Variants in MYO7A observed in about 807,000 individuals in gnomAD.
MYO7A encodes myosin VIIA, also known as unconventional myosin-VIIa.
A neutral mutation model predicts 263.8 loss-of-function variants in MYO7A; 210 were observed. The observed-to-expected ratio is 0.80, with a 90% CI of 0.71 to 0.89. The LOEUF (loss-of-function observed/expected upper bound fraction) is 0.89. Among genes scored for constraint, MYO7A ranks in the 40% least tolerant of loss-of-function variants. MYO7A has a pLI of 0.00. For synonymous variants in MYO7A, 1,239 were observed against 1,197.3 expected, an observed-to-expected ratio of 1.03 and a Z score of -0.72; for missense variants, 2,820 against 2,968.3, an observed-to-expected ratio of 0.95 and a Z score of 1.16.
In MYO7A at chr11:77,177,593, C is replaced by G; in HGVS notation, c.2232C>G (p.Ile744Met). 5.0e-6 allele frequency: 8 copies of G among 1,612,284 alleles called. No homozygotes were observed. Among genetic ancestry groups the G allele is most frequent in the Non-Finnish European group, 6.8e-6 (8 of 1,179,420 alleles). ...MLLEVERDKA[I>M]TDRVILLQKV... ...TGGAAGTGGAGCGGGACAAAGCCAT[C>G]ACCGACAGAGTCATCCTCCTTCAGA... Residue 744 changes from isoleucine to methionine, a missense_variant, in exon 19 of 49, where the codon ATC (isoleucine) becomes ATG (methionine). Transcript: ENST00000409709.
At chr11:77,137,729 A>C (rs940446137) in intron 2 of MYO7A, among the ~76,000 whole-genome samples, 2 of 152,112 alleles carry the variant, frequency 1.3e-5, no homozygotes, top group African/African-American at 4.8e-5. Context: ...AGGGGACCCC[A>C]CACCAGGCCT....
intron 32 of MYO7A, among the ~76,000 whole-genome samples, chr11:77,197,098 C>T (rs952299446): frequency 3.3e-5 from 5 of 152,206 alleles, no homozygotes; most frequent in African/African-American, 4.8e-5. Flanking sequence ...CTCTCTTCCC[C>T]GTCTGCCCTG....
chr11:77,166,622 G>C lies in MYO7A; in HGVS notation c.1797+460G>C, dbSNP rs1953575217. 2.0e-5 allele frequency among the ~76,000 whole-genome samples: 3 copies of C among 152,314 alleles called. No homozygotes were observed. In the South Asian group the frequency reaches 6.2e-4, roughly 32 times the overall value. On this transcript the variant is annotated intron_variant, in intron 15 of 48. Coordinates refer to ENST00000409709, the MANE Select transcript of MYO7A (RefSeq NM_000260.4). ...CCCCTCCGCCTTTCCTTAGGCCCTA[G>C]GGTGAGGGTCTAGTGGATTTTTTCC... is the stretch of plus-strand genomic sequence containing the variant.
chr11:77,202,422 C>T lies in MYO7A; in HGVS notation c.5166C>T (p.Phe1722=), dbSNP rs566614598. The change falls in exon 37 of 49, where the codon TTC becomes TTT. Residue 1722 remains phenylalanine, a splice_region_variant and synonymous_variant. Coordinates refer to ENST00000409709, the MANE Select transcript of MYO7A (RefSeq NM_000260.4). ...YTLEEFSYDY[F]RPPPKHTLSR... ...TGGAGGAGTTTTCCTATGACTACTT[C>T]AGGTGATGCCTCCTGGGGAAGGATG... is the stretch of plus-strand genomic sequence containing the variant. 4 of 1,551,124 alleles carry T rather than the reference C, an allele frequency of 2.6e-6. No homozygotes were observed. The highest frequency in any genetic ancestry group is 1.2e-5 in the South Asian group (1 of 84,052).
chr11:77,160,831 C>G (rs1373899708), intron 11 of MYO7A, 142 bp from the exon 12 acceptor site: 4 of 901,486 alleles, frequency 4.4e-6, no homozygotes, highest in Admixed American at 4.9e-5. Flanking sequence ...GCAGAGGGAA[C>G]AGCTCAAGTA....
In MYO7A at chr11:77,181,423, T is replaced by C; in HGVS notation, c.2738T>C (p.Leu913Pro). The change falls in exon 23 of 49, where the codon CTG (leucine) becomes CCG (proline). Residue 913 changes from leucine (L) to proline (P), a missense_variant. Transcript: ENST00000409709. The part of the protein sequence containing the change: ...QLAREDAERE[L>P]KEKEAARRKK... ...GCTCGTGAGGACGCTGAGCGGGAGCTGAAGGAGAAGGAGGCCGCTCGGCGG... is the reference window on the plus strand; with the variant it reads ...GCTCGTGAGGACGCTGAGCGGGAGCCGAAGGAGAAGGAGGCCGCTCGGCGG... 2 of 1,593,030 alleles carry C rather than the reference T, an allele frequency of 1.3e-6. No homozygotes were observed. Among genetic ancestry groups the C allele is most frequent in the Non-Finnish European group, 1.7e-6 (2 of 1,170,362 alleles).
At chr11:77,169,747 T>G (rs1474504859) in intron 15 of MYO7A, among the ~76,000 whole-genome samples, 4 of 152,318 alleles carry the variant, frequency 2.6e-5, no homozygotes, top group Admixed American at 1.3e-4. Flanking sequence ...GTCTCTGTCC[T>G]TATGGAACTT....
intron 38 of MYO7A, among the ~76,000 whole-genome samples, chr11:77,203,664 A>G (rs1244074607): frequency 6.6e-6 from 1 of 152,058 alleles, no homozygotes; most frequent in Non-Finnish European, 1.5e-5. Context: ...AGTGTTCCAG[A>G]GAGAGGGAGC....
chr11:77,147,003 G>C (rs1231225880), intron 3 of MYO7A, among the ~76,000 whole-genome samples: 1 of 152,110 alleles, frequency 6.6e-6, no homozygotes, highest in Non-Finnish European at 1.5e-5. Flanking sequence ...GAGCTGGGCA[G>C]GCAGCCTGTG....
intron 33 of MYO7A, among the ~76,000 whole-genome samples, chr11:77,198,188 C>G (rs985249344): frequency 6.6e-6 from 1 of 152,192 alleles, no homozygotes; most frequent in African/African-American, 2.4e-5. Flanking sequence ...GCACCAGGGC[C>G]GGAGGGAACC....
Position 77,147,887 on chromosome 11 carries a change from G to C in MYO7A, c.222G>C (p.Gly74=), listed in dbSNP as rs1268751328. The change falls in exon 4 of 49, where the codon GGG becomes GGC. Residue 74 remains glycine, a synonymous_variant. Coordinates refer to ENST00000409709, the MANE Select transcript of MYO7A (RefSeq NM_000260.4). ...GCGTGGAGGACATGATCCGCCTGGG[G>C]GACCTCAACGAGGCGGGCATCTTGC... The part of the protein sequence containing the change: ...VHGVEDMIRL[G]DLNEAGILRN... 6.3e-7 allele frequency: 1 copy of C among 1,595,276 alleles called. No homozygotes were observed. Among genetic ancestry groups the C allele is most frequent in the Non-Finnish European group, 8.5e-7 (1 of 1,172,046 alleles).
chr11:77,202,208 C>G (rs926410990), intron 36 of MYO7A, 92 bp from the exon 37 acceptor site: 2 of 1,442,612 alleles, frequency 1.4e-6, no homozygotes, highest in Non-Finnish European at 1.8e-6. Flanking sequence ...TGAAGAGTCT[C>G]CCAGAGTCCA....
intron 29 of MYO7A, 122 bp downstream of exon 29, chr11:77,190,261 T>A: frequency 9.5e-7 from 1 of 1,049,116 alleles, no homozygotes; most frequent in Non-Finnish European, 1.3e-6. Flanking sequence ...ATTCTGTGGT[T>A]CCTCAGACAC....
chr11:77,156,646 C>T lies in MYO7A; in HGVS notation c.471-14C>T, dbSNP rs538169708. The T allele has an allele frequency of 6.2e-7, 1 of 1,612,956 alleles. No homozygotes were observed. The highest frequency in any genetic ancestry group is 1.1e-5 in the South Asian group (1 of 91,020). ...GTGGGTTGTGACAGGTCCTGCCACTCCCTCCCTCTGCAGTGGGGAATCTGG... is the reference window on the plus strand; with the variant it reads ...GTGGGTTGTGACAGGTCCTGCCACTTCCTCCCTCTGCAGTGGGGAATCTGG... On this transcript the variant is annotated splice_polypyrimidine_tract_variant and intron_variant, in intron 5 of 48. Coordinates refer to ENST00000409709, the MANE Select transcript of MYO7A (RefSeq NM_000260.4).
intron 45 of MYO7A, 84 bp downstream of exon 45, chr11:77,211,421 C>T: frequency 7.1e-7 from 1 of 1,405,368 alleles, no homozygotes; most frequent in Non-Finnish European, 9.6e-7. Flanking sequence ...AGACACTGGC[C>T]AGCAGCCCAG....
chr11:77,203,258 C>G (rs748298175), intron 38 of MYO7A, 41 bp downstream of exon 38: 5 of 1,537,980 alleles, frequency 3.3e-6, no homozygotes, highest in South Asian at 1.2e-5. Flanking sequence ...AGCCAGGGAC[C>G]GGGCAGGGCC....
intron 14 of MYO7A, among the ~76,000 whole-genome samples, chr11:77,165,077 T>A (rs942746362): frequency 6.6e-6 from 1 of 151,974 alleles, no homozygotes; most frequent in African/African-American, 2.4e-5. Context: ...AGAATGGGGG[T>A]CTTTCTAGGA....
rs1326760391 is a variant in MYO7A, at chr11:77,147,991, G to GGCCCC, written c.285+51_285+55dup. ...CCCGGTGCCCGTCCAGGCCCCCTCA[G>GGCCCC]GCCCCGCCCCGCCCACCTCGCCCCA... On this transcript the variant is annotated intron_variant, in intron 4 of 48. Coordinates refer to ENST00000409709, the MANE Select transcript of MYO7A (RefSeq NM_000260.4). 3.4e-6 allele frequency: 5 copies of GGCCCC among 1,470,450 alleles called. No individual in the cohort carries two copies. In the Admixed American group the frequency reaches 1.1e-4, roughly 32 times the overall value. The allele number at this position is 1,470,450 out of a possible 1,614,324, so 91.1% of individuals were successfully genotyped here.
chr11:77,205,050 TCAAA>T (rs1957350738), intron 39 of MYO7A, among the ~76,000 whole-genome samples: 2 of 152,166 alleles, frequency 1.3e-5, no homozygotes, highest in Non-Finnish European at 2.9e-5. Flanking sequence ...TCGTTGCCAC[TCAAA>T]GTAGAGGTGA....
Sources: gnomAD v4.1 joint callset for allele counts (sites outside exome capture counted in the v4.1 genomes callset) on GRCh38, gnomAD v4.1.1 for gene constraint, MANE v1.5 for transcripts, NCBI Gene and HGNC (gene_info 2026-07-23, HGNC 2026-07-21) for gene names.